BNC2: variants seen among roughly 807,000 people sequenced by gnomAD.
The protein encoded by BNC2 is zinc finger protein basonuclin-2.
BNC2 carries 20 observed loss-of-function variants against 76.3 expected under a neutral mutation model. The observed-to-expected ratio is 0.26, with a 90% confidence interval of 0.18 to 0.38. The LOEUF is 0.38. Among genes scored for constraint, BNC2 ranks in the 10% least tolerant of loss-of-function variants. The pLI is 1.00. For missense variants in BNC2, 1,382 were observed against 1,399.8 expected, an observed-to-expected ratio of 0.99 and a Z score of 0.20; for synonymous variants, 582 against 514.8, an observed-to-expected ratio of 1.13 and a Z score of -1.77.
chr9:16,429,147 G>T (rs4601432), intron 6 of BNC2, among the ~76,000 whole-genome samples: 1 of 152,026 alleles, frequency 6.6e-6, no homozygotes, highest in East Asian at 1.9e-4. Flanking sequence ...TTCTGAGAAG[G>T]CTTTAAAAAA....
chr9:16,716,010 A>C (rs1823987077), intron 3 of BNC2, among the ~76,000 whole-genome samples: 1 of 152,210 alleles, frequency 6.6e-6, no homozygotes, highest in East Asian at 1.9e-4. Flanking sequence ...TAAAATAGTA[A>C]ATCCAGAACT....
intron 2 of BNC2, among the ~76,000 whole-genome samples, chr9:16,733,616 G>T (rs1011375108): frequency 1.3e-5 from 2 of 152,070 alleles, no homozygotes; most frequent in African/African-American, 4.8e-5. Context: ...CATTAACTCT[G>T]TTGGCATGGA....
At chr9:16,779,144 A>AGAAAG (rs1826053686) in intron 1 of BNC2, among the ~76,000 whole-genome samples, 3 of 149,084 alleles carry the variant, frequency 2.0e-5, no homozygotes, top group Non-Finnish European at 4.4e-5. Context: ...AGAAAAGAAA[A>AGAAAG]GAAAAAAAAA....
intron 3 of BNC2, among the ~76,000 whole-genome samples, chr9:16,603,127 G>C (rs75250257): frequency 6.6e-6 from 1 of 152,266 alleles, no homozygotes; most frequent in South Asian, 2.1e-4. Context: ...TAATAGATTA[G>C]GTTAAATCTA....
intron 3 of BNC2, among the ~76,000 whole-genome samples, chr9:16,684,428 G>A (rs964176911): frequency 2.0e-5 from 3 of 152,052 alleles, no homozygotes; most frequent in Non-Finnish European, 4.4e-5. Context: ...GCAGAGCTCA[G>A]GTGGTCTTCC....
intron 3 of BNC2, among the ~76,000 whole-genome samples, chr9:16,636,518 G>A (rs1167393574): frequency 6.6e-6 from 1 of 152,034 alleles, no homozygotes; most frequent in African/African-American, 2.4e-5. Context: ...GCCTAGGGTG[G>A]TCTTGAACTC....
chr9:16,479,112 C>T (rs1030320276), intron 5 of BNC2, among the ~76,000 whole-genome samples: 9 of 152,030 alleles, frequency 5.9e-5, no homozygotes, highest in Non-Finnish European at 1.3e-4. Context: ...ATTAGCCAGG[C>T]GCGTTGGCGC....
At chr9:16,788,538 G>C (rs1370817519) in intron 1 of BNC2, among the ~76,000 whole-genome samples, 1 of 137,088 alleles carries the variant, frequency 7.3e-6, no homozygotes, top group Admixed American at 8.2e-5. Flanking sequence ...GGGCGACAGA[G>C]CAACACTCCT....
At chr9:16,591,640 G>C (rs1179189311) in intron 3 of BNC2, among the ~76,000 whole-genome samples, 2 of 152,030 alleles carry the variant, frequency 1.3e-5, no homozygotes, top group Non-Finnish European at 2.9e-5. Context: ...TAAATGTTAA[G>C]GGTCCACAAG....
chr9:16,805,502 A>C (rs567688226), intron 1 of BNC2, among the ~76,000 whole-genome samples: 1 of 151,766 alleles, frequency 6.6e-6, no homozygotes, highest in Admixed American at 6.6e-5. Flanking sequence ...TAATTTTTGT[A>C]TTTTTAGTAC....
intron 3 of BNC2, among the ~76,000 whole-genome samples, chr9:16,659,519 A>G (rs1021272270): frequency 2.6e-5 from 4 of 151,646 alleles, no homozygotes; most frequent in Non-Finnish European, 5.9e-5. Flanking sequence ...GAGGCAGGAG[A>G]ATCGCTTGAA....
chr9:16,590,671 G>T (rs1025031695), intron 3 of BNC2, among the ~76,000 whole-genome samples: 1 of 152,044 alleles, frequency 6.6e-6, no homozygotes. Flanking sequence ...GCCGGGCGTG[G>T]TGGCATGCAC....
At chr9:16,819,851 GT>G (rs1254489654) in intron 1 of BNC2, among the ~76,000 whole-genome samples, 1 of 151,828 alleles carries the variant, frequency 6.6e-6, no homozygotes. Flanking sequence ...TAGGCCAGGT[GT>G]AGTGGCTCAT....
At chr9:16,649,290 C>A (rs1473563498) in intron 3 of BNC2, among the ~76,000 whole-genome samples, 2 of 152,150 alleles carry the variant, frequency 1.3e-5, no homozygotes, top group African/African-American at 4.8e-5. Flanking sequence ...TGGTCTGCAG[C>A]TGACCAATTC....
intron 1 of BNC2, among the ~76,000 whole-genome samples, chr9:16,836,520 A>G (rs1430301533): frequency 6.6e-6 from 1 of 151,468 alleles, no homozygotes. Flanking sequence ...TTCAGGAGAA[A>G]AAAAAAAAAA....
intron 5 of BNC2, among the ~76,000 whole-genome samples, chr9:16,511,338 T>G (rs1235846545): frequency 6.6e-6 from 1 of 151,490 alleles, no homozygotes; most frequent in Non-Finnish European, 1.5e-5. Flanking sequence ...CTTGAACTTC[T>G]GGACTCAAGG....
chr9:16,620,031 T>A (rs372739229), intron 3 of BNC2, among the ~76,000 whole-genome samples: 24 of 152,286 alleles, frequency 1.6e-4, no homozygotes, highest in African/African-American at 5.3e-4. Flanking sequence ...CCCGTGAAGA[T>A]CAGGCTCCAA....
At chr9:16,442,587 G>C (rs1014624418) in intron 5 of BNC2, among the ~76,000 whole-genome samples, 7 of 152,162 alleles carry the variant, frequency 4.6e-5, no homozygotes, top group Non-Finnish European at 2.9e-5. Flanking sequence ...GAACAGATGT[G>C]AAGAGATGGA....
At chr9:16,429,854 G>A (rs1288088665) in intron 6 of BNC2, 1 of 462,268 alleles carries the variant, frequency 2.2e-6, no homozygotes, top group Non-Finnish European at 4.3e-6. Context: ...GGAGTGAAAG[G>A]TCAGCAGAGG....
Sources: allele counts gnomAD v4.1 joint callset (sites outside exome capture counted in the v4.1 genomes callset), GRCh38; gene constraint gnomAD v4.1.1; transcripts MANE v1.5; gene names NCBI Gene and HGNC (gene_info 2026-07-23, HGNC 2026-07-21).